DCAF6: variants seen among roughly 807,000 people sequenced by gnomAD.
DCAF6 encodes DDB1- and CUL4-associated factor 6.
DCAF6 carries 54 observed loss-of-function variants against 125.1 expected under a neutral mutation model. The ratio of observed to expected loss-of-function variants is 0.43; its 90% CI spans 0.35 to 0.54. The LOEUF is 0.54. Among genes scored for constraint, DCAF6 ranks in the 20% least tolerant of loss-of-function variants. The pLI is 0.01. For missense variants in DCAF6, 934 were observed against 1,161.7 expected (o/e 0.80, Z 2.85); for synonymous variants, 371 against 390.4 (o/e 0.95, Z 0.58).
intron 11 of DCAF6, among the ~76,000 whole-genome samples, chr1:168,020,452 A>T (rs1014124325): frequency 5.3e-5 from 8 of 152,180 alleles, no homozygotes; most frequent in African/African-American, 1.9e-4. Flanking sequence ...ATTTTTTGGA[A>T]ATACACAGTA....
intron 12 of DCAF6, among the ~76,000 whole-genome samples, chr1:168,028,347 A>G (rs1686612071): frequency 6.6e-6 from 1 of 152,156 alleles, no homozygotes; most frequent in African/African-American, 2.4e-5. Context: ...TTAACTTTTG[A>G]GAGGATATAA....
intron 7 of DCAF6, among the ~76,000 whole-genome samples, chr1:167,997,339 A>T (rs1316395156): frequency 6.6e-6 from 1 of 152,200 alleles, no homozygotes; most frequent in Non-Finnish European, 1.5e-5. Flanking sequence ...CGTATGAAGG[A>T]TGAAGCCCTC....
Position 168,003,947 on chromosome 1 carries a change from G to A in DCAF6, c.1075G>A (p.Val359Ile), listed in dbSNP as rs1179547845. ...AAGATGGTTTGAAGAAGCAAGTGAG[G>A]TTGCACAAAGCAATAGAGGACGAGG... is the stretch of plus-strand genomic sequence containing the variant. ...LSRWFEEASE[V>I]AQSNRGRGRS... The change falls in exon 9 of 22, where the codon GTT becomes ATT. Residue 359 changes from valine to isoleucine, a missense_variant. Val to Ile is a conservative substitution (Grantham distance 29, BLOSUM62 3). This residue lies in a region of DCAF6 where 559 missense variants were observed against 635.5 expected (regional missense o/e 0.88). Coordinates refer to ENST00000367840, the MANE Select transcript of DCAF6 (RefSeq NM_001198956.2). The A allele has an allele frequency of 6.2e-7, 1 of 1,612,480 alleles. No homozygotes were observed. The highest frequency in any genetic ancestry group is 1.1e-5 in the South Asian group (1 of 91,004).
chr1:168,020,282 G>T (rs1685513721), intron 11 of DCAF6, among the ~76,000 whole-genome samples: 1 of 152,146 alleles, frequency 6.6e-6, no homozygotes, highest in Admixed American at 6.6e-5. Context: ...CTTGCCCAGG[G>T]TTACAATATT....
At chr1:167,962,965 C>G (rs1675846151) in intron 2 of DCAF6, among the ~76,000 whole-genome samples, 1 of 151,720 alleles carries the variant, frequency 6.6e-6, no homozygotes, top group African/African-American at 2.4e-5. Context: ...AAAAAACAAA[C>G]AAACAAAAAT....
intron 17 of DCAF6, among the ~76,000 whole-genome samples, chr1:168,056,637 AC>A (rs1281649840): frequency 6.6e-6 from 1 of 152,248 alleles, no homozygotes; most frequent in Non-Finnish European, 1.5e-5. Flanking sequence ...GGGAAATACT[AC>A]ATTGTGTATA....
chr1:167,929,487 C>T, the DCAF6 span, among the ~76,000 whole-genome samples: 1 of 152,008 alleles, frequency 6.6e-6, no homozygotes, highest in Non-Finnish European at 1.5e-5. Flanking sequence ...TTTTTAAATT[C>T]TAACTTTTCA....
chr1:167,920,610 C>T, the DCAF6 span: 1 of 1,613,720 alleles, frequency 6.2e-7, no homozygotes, highest in Non-Finnish European at 8.5e-7. Context: ...GCCATATCAG[C>T]CAATCCAGCA....
the DCAF6 span, among the ~76,000 whole-genome samples, chr1:167,912,427 G>T: frequency 6.6e-6 from 1 of 152,140 alleles, no homozygotes; most frequent in East Asian, 1.9e-4. Flanking sequence ...ATACTCCCAC[G>T]TGTGTAGAAC....
At position 168,066,380 on chromosome 1, in the gene DCAF6, T is replaced by C; in HGVS notation, c.2600T>C (p.Leu867Ser). The part of the protein sequence containing the change: ...CLQPHPFDPI[L>S]ASSGIDYDIK... Reference sequence around the variant, plus strand: ...AATATATAAATTTTATTTCTAGTTTTAGCCTCATCTGGCATAGATTATGAC... The same window carrying C: ...AATATATAAATTTTATTTCTAGTTTCAGCCTCATCTGGCATAGATTATGAC... Residue 867 changes from leucine to serine, a missense_variant, in exon 20 of 22, where the codon TTA becomes TCA. This residue lies in a region of DCAF6 where 27 missense variants were observed against 85.1 expected (regional missense o/e 0.32). Coordinates refer to ENST00000367840, the MANE Select transcript of DCAF6 (RefSeq NM_001198956.2). 1 of 1,591,606 alleles carries C rather than the reference T, an allele frequency of 6.3e-7. No individual in the cohort carries two copies. Among genetic ancestry groups the C allele is most frequent in the Non-Finnish European group, 8.6e-7 (1 of 1,166,948 alleles).
intron 7 of DCAF6, among the ~76,000 whole-genome samples, chr1:167,999,402 A>G (rs1682254525): frequency 6.6e-6 from 1 of 152,200 alleles, no homozygotes; most frequent in Admixed American, 6.5e-5. Flanking sequence ...CCCTAACAAG[A>G]GAACCAGCAT....
At chr1:167,871,533 A>G in the DCAF6 span, among the ~76,000 whole-genome samples, 1 of 152,222 alleles carries the variant, frequency 6.6e-6, no homozygotes, top group Non-Finnish European at 1.5e-5. Context: ...AAGGAGCTGT[A>G]AGAATTGTAA....
chr1:168,056,172 T>A, intron 17 of DCAF6: 2 of 1,606,442 alleles, frequency 1.2e-6, no homozygotes, highest in Non-Finnish European at 1.7e-6. Context: ...GAGACTACAA[T>A]AAACAACATC....
chr1:167,867,448 G>A, the DCAF6 span, among the ~76,000 whole-genome samples: 1 of 152,132 alleles, frequency 6.6e-6, no homozygotes, highest in South Asian at 2.1e-4. Flanking sequence ...AAGTCACTGA[G>A]GTAGGACAAA....
intron 21 of DCAF6, among the ~76,000 whole-genome samples, chr1:168,072,738 A>C (rs1424812116): frequency 6.6e-6 from 1 of 152,216 alleles, no homozygotes; most frequent in Non-Finnish European, 1.5e-5. Flanking sequence ...AATTCTTTGT[A>C]AAGGGTAGCC....
chr1:168,052,663 C>T (rs1015839342), intron 17 of DCAF6, among the ~76,000 whole-genome samples: 1 of 152,182 alleles, frequency 6.6e-6, no homozygotes, highest in Non-Finnish European at 1.5e-5. Flanking sequence ...CCCGTTATGA[C>T]TAGTCTTCAT....
rs369706016 is a variant in DCAF6, at chr1:167,942,809, A to G, written c.97+5801A>G. 8.3e-4 allele frequency among the ~76,000 whole-genome samples: 127 copies of G among 152,314 alleles called. 1 individual carries two copies. The South Asian group carries it at 0.023, about 27-fold the overall frequency. ...ACTTTTTTCCCTTTGTTGAAAATCAATTGACCATAAATGTTTAAGTCAATT... is the reference window on the plus strand; with the variant it reads ...ACTTTTTTCCCTTTGTTGAAAATCAGTTGACCATAAATGTTTAAGTCAATT... On this transcript the variant is annotated intron_variant, in intron 1 of 21. Coordinates refer to ENST00000367840, the MANE Select transcript of DCAF6 (RefSeq NM_001198956.2).
At chr1:167,913,930 C>T in the DCAF6 span, 1 of 152,352 alleles carries the variant, frequency 6.6e-6, no homozygotes, top group Non-Finnish European at 1.5e-5. Flanking sequence ...CCCTCATCTT[C>T]AGCTCTGCAA....
the DCAF6 span, among the ~76,000 whole-genome samples, chr1:167,894,121 T>G: frequency 6.6e-5 from 10 of 152,296 alleles, no homozygotes; most frequent in East Asian, 1.7e-3. Flanking sequence ...AGAGGAGCTC[T>G]TAGAGGTTAA....
Sources: gnomAD v4.1 joint callset for allele counts (sites outside exome capture counted in the v4.1 genomes callset) on GRCh38, gnomAD v4.1.1 for gene constraint, gnomAD v4.1.1 regional missense constraint, MANE v1.5 for transcripts, NCBI Gene and HGNC (gene_info 2026-07-23, HGNC 2026-07-21) for gene names.